The following TMEM117 variants were observed in gnomAD, a reference collection of about 807,000 sequenced individuals.
TMEM117 encodes the protein transmembrane protein 117.
A neutral mutation model predicts 52.4 loss-of-function variants in TMEM117; 27 were observed. The ratio of observed to expected loss-of-function variants is 0.51; its 90% CI spans 0.38 to 0.71. TMEM117 has a LOEUF of 0.71. TMEM117 is among the 30% of genes least tolerant of loss of function. TMEM117 has a pLI of 0.00. For synonymous variants in TMEM117, 215 were observed against 206.3 expected (o/e 1.04, Z -0.36); for missense variants, 556 against 630.5 (o/e 0.88, Z 1.26).
At chr12:44,337,878 A>G (rs1021910118) in intron 6 of TMEM117, among the ~76,000 whole-genome samples, 1 of 152,246 alleles carries the variant, frequency 6.6e-6, no homozygotes, top group Non-Finnish European at 1.5e-5. Context: ...GTAGCCTAAC[A>G]GTGTTTCTTT....
intron 6 of TMEM117, among the ~76,000 whole-genome samples, chr12:44,300,930 T>G (rs1028964407): frequency 2.0e-4 from 30 of 152,206 alleles, no homozygotes; most frequent in African/African-American, 7.2e-4. Context: ...TCTACAGAAT[T>G]GAATTTTTAG....
intron 3 of TMEM117, among the ~76,000 whole-genome samples, chr12:44,133,828 A>G (rs1948450361): frequency 6.6e-6 from 1 of 152,234 alleles, no homozygotes; most frequent in Admixed American, 6.5e-5. Context: ...CTTCTATATT[A>G]TTGGCAAACT....
chr12:44,067,272 G>A (rs1947235268), intron 3 of TMEM117, among the ~76,000 whole-genome samples: 1 of 152,042 alleles, frequency 6.6e-6, no homozygotes, highest in Non-Finnish European at 1.5e-5. Flanking sequence ...TCCTGTTAAT[G>A]TTGATATTTT....
chr12:43,798,421 A>G, the TMEM117 span: 1 of 687,966 alleles, frequency 1.5e-6, no homozygotes, highest in South Asian at 2.7e-5. Flanking sequence ...ATACTTGATA[A>G]ATGATAGCTA....
intron 3 of TMEM117, among the ~76,000 whole-genome samples, chr12:44,055,152 ACT>A (rs1240007595): frequency 1.3e-5 from 2 of 151,722 alleles, no homozygotes; most frequent in Non-Finnish European, 2.9e-5. Flanking sequence ...TGTGATGCAA[ACT>A]CTATTTTATT....
intron 6 of TMEM117, among the ~76,000 whole-genome samples, chr12:44,303,032 T>C (rs961364537): frequency 3.3e-5 from 5 of 152,010 alleles, no homozygotes; most frequent in African/African-American, 1.2e-4. Flanking sequence ...ACTTATACTA[T>C]AGAAAGGTAT....
chr12:44,100,918 A>G (rs1483019159), intron 3 of TMEM117, among the ~76,000 whole-genome samples: 1 of 151,934 alleles, frequency 6.6e-6, no homozygotes, highest in Non-Finnish European at 1.5e-5. Flanking sequence ...GTAATAAAAT[A>G]TGACACACTG....
chr12:43,803,500 T>A, the TMEM117 span, among the ~76,000 whole-genome samples: 1 of 152,116 alleles, frequency 6.6e-6, no homozygotes, highest in South Asian at 2.1e-4. Flanking sequence ...TTTGGAATTT[T>A]CCTTATTTAA....
At chr12:43,896,515 C>T (rs930367987) in intron 2 of TMEM117, among the ~76,000 whole-genome samples, 17 of 152,190 alleles carry the variant, frequency 1.1e-4, no homozygotes, top group South Asian at 8.3e-4. Flanking sequence ...TTTGGGAAGA[C>T]GCAACATTTG....
chr12:43,807,634 G>T, the TMEM117 span, among the ~76,000 whole-genome samples: 35 of 152,274 alleles, frequency 2.3e-4, no homozygotes, highest in Admixed American at 7.2e-4. Flanking sequence ...GGAAGTTGGC[G>T]TTGCTCAAAA....
chr12:44,346,151 A>G (rs1951483486), intron 6 of TMEM117, among the ~76,000 whole-genome samples: 1 of 152,240 alleles, frequency 6.6e-6, no homozygotes, highest in South Asian at 2.1e-4. Context: ...TCTAAGTCTT[A>G]GCTGGGAAAC....
intron 2 of TMEM117, among the ~76,000 whole-genome samples, chr12:43,902,904 A>G (rs188105145): frequency 9.4e-4 from 136 of 145,428 alleles, no homozygotes; most frequent in Non-Finnish European, 1.5e-3. Context: ...ACCTAAATAG[A>G]AAAAAAAAAT....
intron 3 of TMEM117, among the ~76,000 whole-genome samples, chr12:44,075,709 C>G (rs924079778): frequency 2.0e-5 from 3 of 152,068 alleles, no homozygotes; most frequent in African/African-American, 7.2e-5. Flanking sequence ...TGGTGTCCAC[C>G]TCTCATGTTG....
At chr12:43,808,812 GAAAAA>G in the TMEM117 span, among the ~76,000 whole-genome samples, 1 of 80,818 alleles carries the variant, frequency 1.2e-5, no homozygotes, top group Non-Finnish European at 2.4e-5. Context: ...TCAAAGGGGA[GAAAAA>G]AAAAAAAAAA....
At position 43,922,973 on chromosome 12, in the gene TMEM117, C is replaced by G. The variant is rs534823176; in HGVS notation, c.278-21237C>G. Among the ~76,000 whole-genome samples the G allele has an allele frequency of 6.2e-4, 95 of 152,228 alleles. 1 individual carries two copies. Among genetic ancestry groups the G allele is most frequent in the African/African-American group, 2.2e-3 (91 of 41,536 alleles). On this transcript the variant is annotated intron_variant, in intron 2 of 7. Coordinates refer to ENST00000266534, the MANE Select transcript of TMEM117 (RefSeq NM_032256.3). ...GCATGGGACTTCCCAATACTAAACT[C>G]CAAAATTAAATAGATTTCCCTAGTC...
At chr12:43,979,118 C>A (rs1489709650) in intron 3 of TMEM117, among the ~76,000 whole-genome samples, 3 of 151,716 alleles carry the variant, frequency 2.0e-5, no homozygotes, top group African/African-American at 7.3e-5. Flanking sequence ...AGGGGCGAAG[C>A]CAATTAATAT....
chr12:43,892,308 A>G (rs1445090122), intron 2 of TMEM117, among the ~76,000 whole-genome samples: 1 of 152,200 alleles, frequency 6.6e-6, no homozygotes, highest in Non-Finnish European at 1.5e-5. Context: ...CACATAGGAA[A>G]TGTTGCCAAC....
chr12:44,135,696 C>A (rs573280936), intron 3 of TMEM117, among the ~76,000 whole-genome samples: 16 of 152,180 alleles, frequency 1.1e-4, no homozygotes, highest in Middle Eastern at 3.4e-3. Context: ...GTCACAATTG[C>A]TTTGAATTTG....
intron 3 of TMEM117, among the ~76,000 whole-genome samples, chr12:43,968,790 G>A (rs956985131): frequency 6.6e-6 from 1 of 152,148 alleles, no homozygotes; most frequent in African/African-American, 2.4e-5. Context: ...AGGAATAGTG[G>A]TGTAATGCTG....
Sources: gnomAD v4.1 joint callset for allele counts (sites outside exome capture counted in the v4.1 genomes callset) on GRCh38, gnomAD v4.1.1 for gene constraint, MANE v1.5 for transcripts, NCBI Gene and HGNC (gene_info 2026-07-23, HGNC 2026-07-21) for gene names.